PTPRM: variants seen among roughly 807,000 people sequenced by gnomAD.
The protein encoded by PTPRM is protein tyrosine phosphatase receptor type M, also known as receptor-type tyrosine-protein phosphatase mu.
PTPRM carries 47 observed loss-of-function variants against 186.7 expected under a neutral mutation model. The observed-to-expected ratio is 0.25, with a 90% CI of 0.20 to 0.32. The LOEUF (loss-of-function observed/expected upper bound fraction) is 0.32, where lower values mean the gene tolerates loss of function less well. Among genes scored for constraint, PTPRM ranks in the 10% least tolerant of loss-of-function variants. The pLI is 1.00. For synonymous variants in PTPRM, 668 were observed against 674.9 expected (o/e 0.99, Z 0.16); for missense variants, 1,494 against 1,865.0 (o/e 0.80, Z 3.66).
rs180726459 is a variant in PTPRM, at chr18:8,194,926, C to T, written c.2301-49132C>T. ...TTCTTGTAAGGATTGGGCATACAAACGTTTCTTCTCAGGAATCAAAGAAGG... is the reference window on the plus strand; with the variant it reads ...TTCTTGTAAGGATTGGGCATACAAATGTTTCTTCTCAGGAATCAAAGAAGG... On this transcript the variant is annotated intron_variant, in intron 14 of 32. Coordinates refer to ENST00000580170, the MANE Select transcript of PTPRM (RefSeq NM_001105244.2). 2.0e-5 allele frequency among the ~76,000 whole-genome samples: 3 copies of T among 152,194 alleles called. No homozygotes were observed. In the South Asian group the frequency reaches 6.2e-4, roughly 32 times the overall value.
intron 31 of PTPRM, among the ~76,000 whole-genome samples, chr18:8,394,187 A>C (rs1347492556): frequency 6.6e-6 from 1 of 152,118 alleles, no homozygotes; most frequent in Non-Finnish European, 1.5e-5. Context: ...GGTTCATTGA[A>C]AATTTTCTAC....
At chr18:8,253,003 C>T (rs983350041) in intron 18 of PTPRM, among the ~76,000 whole-genome samples, 7 of 152,198 alleles carry the variant, frequency 4.6e-5, no homozygotes, top group African/African-American at 9.7e-5. Flanking sequence ...AGCAATATAT[C>T]GTTTGGACTG....
intron 7 of PTPRM, among the ~76,000 whole-genome samples, chr18:7,966,201 C>G (rs1006760153): frequency 6.6e-6 from 1 of 151,772 alleles, no homozygotes; most frequent in Non-Finnish European, 1.5e-5. Flanking sequence ...ATTATAAATA[C>G]AAGAAATTTT....
intron 4 of PTPRM, among the ~76,000 whole-genome samples, chr18:7,908,331 A>G (rs547079897): frequency 6.6e-6 from 1 of 152,218 alleles, no homozygotes; most frequent in Non-Finnish European, 1.5e-5. Flanking sequence ...GCTAGTTCAT[A>G]TATTTCATGG....
chr18:8,093,227 T>A (rs1294367721), intron 11 of PTPRM, among the ~76,000 whole-genome samples: 1 of 152,124 alleles, frequency 6.6e-6, no homozygotes, highest in Non-Finnish European at 1.5e-5. Flanking sequence ...CTAGACATCC[T>A]ATTCTCTTCT....
chr18:8,317,348 G>A (rs138720959), intron 21 of PTPRM, among the ~76,000 whole-genome samples: 68 of 152,240 alleles, frequency 4.5e-4, no homozygotes, highest in African/African-American at 1.6e-3. Flanking sequence ...ACAGATTCAG[G>A]TAGGGGTTAG....
chr18:7,895,582 G>T (rs958783882), intron 3 of PTPRM, among the ~76,000 whole-genome samples: 4 of 152,154 alleles, frequency 2.6e-5, no homozygotes, highest in African/African-American at 7.2e-5. Context: ...CAAGGACCAG[G>T]TGCCCTTGGG....
chr18:7,889,556 C>T (rs574645430), intron 3 of PTPRM, among the ~76,000 whole-genome samples: 4 of 151,988 alleles, frequency 2.6e-5, no homozygotes, highest in Non-Finnish European at 5.9e-5. Flanking sequence ...CCAGGCTGGT[C>T]TCAAACTTCT....
At chr18:8,191,291 G>A (rs2093706107) in intron 14 of PTPRM, among the ~76,000 whole-genome samples, 1 of 152,090 alleles carries the variant, frequency 6.6e-6, no homozygotes. Flanking sequence ...GGCAGAGATT[G>A]GCGGAACACA....
intron 1 of PTPRM, among the ~76,000 whole-genome samples, chr18:7,574,709 A>G (rs78071173): frequency 0.029 from 4,444 of 152,364 alleles, 69 homozygotes; most frequent in Middle Eastern, 0.072. Context: ...GCCTTTGGCA[A>G]TAAACTCAAA....
At chr18:8,373,085 C>G (rs1225866609) in intron 24 of PTPRM, among the ~76,000 whole-genome samples, 1 of 152,108 alleles carries the variant, frequency 6.6e-6, no homozygotes, top group African/African-American at 2.4e-5. Flanking sequence ...CTTGTTAATG[C>G]ATTTGGGGAA....
intron 2 of PTPRM, among the ~76,000 whole-genome samples, chr18:7,833,743 AAACAACAAC>A (rs150303636): frequency 0.067 from 10,092 of 149,688 alleles, 943 homozygotes; most frequent in African/African-American, 0.21. Flanking sequence ...TCAGAAAGAA[AAACAACAAC>A]AACAACAACA....
intron 1 of PTPRM, among the ~76,000 whole-genome samples, chr18:7,591,972 C>T (rs1384246717): frequency 6.6e-6 from 1 of 151,968 alleles, no homozygotes; most frequent in African/African-American, 2.4e-5. Flanking sequence ...TTATTCCTGC[C>T]TGCTGATAAT....
At chr18:8,173,606 CAG>C (rs1170026091) in intron 14 of PTPRM, among the ~76,000 whole-genome samples, 1 of 152,164 alleles carries the variant, frequency 6.6e-6, no homozygotes, top group Non-Finnish European at 1.5e-5. Context: ...ATGTAGGAGA[CAG>C]AGTTATTATT....
chr18:7,985,144 A>G (rs1599871184), intron 7 of PTPRM, among the ~76,000 whole-genome samples: 1 of 130,116 alleles, frequency 7.7e-6, no homozygotes, highest in Non-Finnish European at 1.5e-5. Flanking sequence ...TATACATATA[A>G]TTGTATATAC....
At chr18:8,385,778 T>C (rs1205092335) in intron 30 of PTPRM, among the ~76,000 whole-genome samples, 86 of 152,194 alleles carry the variant, frequency 5.7e-4, no homozygotes, top group Non-Finnish European at 7.3e-5. Context: ...TGGTGTAATT[T>C]ACATTTTAAA....
rs2036483943 is a variant in PTPRM at position 7,568,351 on chromosome 18, G to A, written c.73+460G>A. Among the ~76,000 whole-genome samples the A allele has an allele frequency of 6.6e-6, 1 of 151,832 alleles. No individual in the cohort carries two copies. The highest frequency in any genetic ancestry group is 2.4e-5 in the African/African-American group (1 of 41,402). On this transcript the variant is annotated intron_variant, in intron 1 of 32. Coordinates refer to ENST00000580170, the MANE Select transcript of PTPRM (RefSeq NM_001105244.2). This position sits in a 1 kb window ranked among gnomAD's most constrained non-coding sequence, Gnocchi z 5.1. ...AGGCCGCTGGTGTTCGGCTGCGCCC[G>A]CAGCGATCGCCGGGAACTGGCGGCC...
At chr18:7,609,476 A>G (rs182835379) in intron 1 of PTPRM, among the ~76,000 whole-genome samples, 3 of 150,770 alleles carry the variant, frequency 2.0e-5, no homozygotes, top group African/African-American at 7.3e-5. Flanking sequence ...CTTGCATAGA[A>G]TGAGATCATG....
At chr18:8,018,645 A>G (rs944657456) in intron 7 of PTPRM, among the ~76,000 whole-genome samples, 3 of 151,688 alleles carry the variant, frequency 2.0e-5, no homozygotes, top group Admixed American at 6.6e-5. Context: ...CCCTTTTTTT[A>G]TGTAAAATTG....
Sources: allele counts gnomAD v4.1 joint callset (sites outside exome capture counted in the v4.1 genomes callset), GRCh38; gene constraint gnomAD v4.1.1; non-coding constraint Gnocchi (gnomAD v3.1); transcripts MANE v1.5; gene names NCBI Gene and HGNC (gene_info 2026-07-23, HGNC 2026-07-21).